JAZF1: variants seen among roughly 807,000 people sequenced by gnomAD.
The protein encoded by JAZF1 is JAZF zinc finger 1, also known as juxtaposed with another zinc finger protein 1.
Under a neutral mutation model 26.4 loss-of-function variants are expected in JAZF1, and 8 were observed. The observed-to-expected ratio is 0.30, with a 90% CI of 0.18 to 0.55. JAZF1 has a LOEUF of 0.55. Ranked by LOEUF, JAZF1 falls within the 20% of genes least tolerant of loss-of-function variation. The pLI, the probability that JAZF1 is intolerant of heterozygous loss-of-function variation, is 0.94. For missense variants in JAZF1, 199 were observed against 322.0 expected (o/e 0.62, Z 2.92); for synonymous variants, 126 against 122.3 (o/e 1.03, Z -0.20).
chr7:27,833,646 A>G (rs952800125), intron 4 of JAZF1, among the ~76,000 whole-genome samples: 1 of 152,206 alleles, frequency 6.6e-6, no homozygotes, highest in Non-Finnish European at 1.5e-5. Flanking sequence ...TTACATTCCA[A>G]ACATACAATG....
intron 1 of JAZF1, among the ~76,000 whole-genome samples, chr7:28,175,202 C>T (rs1783530761): frequency 6.6e-6 from 1 of 152,164 alleles, no homozygotes; most frequent in African/African-American, 2.4e-5. Flanking sequence ...CCTCTGGCCA[C>T]ACAAAAGAGA....
intron 2 of JAZF1, among the ~76,000 whole-genome samples, chr7:27,972,062 G>A (rs1785382800): frequency 6.6e-6 from 1 of 152,164 alleles, no homozygotes; most frequent in African/African-American, 2.4e-5. Context: ...TAGAAGCTGA[G>A]GATGTAGTAA....
At chr7:28,148,837 C>CT (rs1427305497) in intron 1 of JAZF1, among the ~76,000 whole-genome samples, 9 of 152,218 alleles carry the variant, frequency 5.9e-5, no homozygotes. Context: ...GCAGGATTCA[C>CT]TGATTCACTG....
intron 1 of JAZF1, among the ~76,000 whole-genome samples, chr7:27,996,919 C>T (rs1786029412): frequency 6.6e-6 from 1 of 152,188 alleles, no homozygotes; most frequent in South Asian, 2.1e-4. Flanking sequence ...AAGGCTTTTG[C>T]TTACAGGTAG....
intron 1 of JAZF1, 71 bp downstream of exon 1, chr7:28,180,392 A>C: frequency 6.1e-5 from 58 of 946,974 alleles, no homozygotes; most frequent in East Asian, 2.1e-4. Flanking sequence ...ACCCCTGGCC[A>C]TTCCGGGGCT....
At chr7:28,156,168 C>T (rs1783182651) in intron 1 of JAZF1, among the ~76,000 whole-genome samples, 1 of 152,200 alleles carries the variant, frequency 6.6e-6, no homozygotes, top group African/African-American at 2.4e-5. Flanking sequence ...CTTAACCAGG[C>T]TTGTGAAAGG....
intron 1 of JAZF1, among the ~76,000 whole-genome samples, chr7:28,012,108 G>A (rs893067156): frequency 2.0e-5 from 3 of 152,086 alleles, no homozygotes; most frequent in African/African-American, 7.2e-5. Context: ...GGATGCTGAA[G>A]CATTTTTCAT....
chr7:27,977,342 G>C (rs938240554), intron 2 of JAZF1, among the ~76,000 whole-genome samples: 5 of 152,144 alleles, frequency 3.3e-5, no homozygotes, highest in African/African-American at 1.2e-4. Context: ...CGTTTCCCAA[G>C]ACCCTTTAAC....
chr7:27,993,733 G>A (rs1243329099), intron 1 of JAZF1, among the ~76,000 whole-genome samples: 1 of 152,114 alleles, frequency 6.6e-6, no homozygotes, highest in Non-Finnish European at 1.5e-5. Flanking sequence ...AGAAAGAACA[G>A]GGCAATGTAG....
chr7:27,833,721 C>G (rs1782754618), intron 4 of JAZF1, among the ~76,000 whole-genome samples: 1 of 152,170 alleles, frequency 6.6e-6, no homozygotes, highest in Non-Finnish European at 1.5e-5. Context: ...CATCTGGATA[C>G]TAAAGTTATC....
intron 1 of JAZF1, among the ~76,000 whole-genome samples, chr7:28,159,711 G>A (rs1244315826): frequency 1.3e-5 from 2 of 152,076 alleles, no homozygotes; most frequent in East Asian, 1.9e-4. Context: ...GGCTTCAGTC[G>A]CAGTCTTCAG....
At chr7:28,060,834 G>C (rs1783785841) in intron 1 of JAZF1, among the ~76,000 whole-genome samples, 1 of 152,208 alleles carries the variant, frequency 6.6e-6, no homozygotes, top group African/African-American at 2.4e-5. Flanking sequence ...AGTTCAGGGT[G>C]AAAGTCCAGA....
intron 1 of JAZF1, among the ~76,000 whole-genome samples, chr7:28,029,433 C>T (rs933659502): frequency 2.0e-5 from 3 of 152,106 alleles, no homozygotes; most frequent in Non-Finnish European, 4.4e-5. Flanking sequence ...CTCTAAAAAT[C>T]CCCTCTCAAA....
At position 27,909,403 on chromosome 7, in the gene JAZF1, CAA is replaced by C. The variant is rs11323038; in HGVS notation, c.189-13989_189-13988del. Among the ~76,000 whole-genome samples, 823 of 148,742 alleles carry C rather than the reference CAA, an allele frequency of 5.5e-3. 3 individuals carry two copies. The highest frequency in any genetic ancestry group is 0.017 in the Middle Eastern group (5 of 286). ...TTAAACTTTTTATTAGGCATAATTTCAAAAAAAAAAAACCCACCACTGGCCGG... is the reference window on the plus strand; with the variant it reads ...TTAAACTTTTTATTAGGCATAATTTCAAAAAAAAAACCCACCACTGGCCGG... On this transcript the variant is annotated intron_variant, in intron 2 of 4. Transcript: ENST00000283928.
chr7:28,080,742 C>G (rs1186282943), intron 1 of JAZF1, among the ~76,000 whole-genome samples: 2 of 152,186 alleles, frequency 1.3e-5, no homozygotes, highest in East Asian at 3.9e-4. Flanking sequence ...ATTAAGTTCA[C>G]CGTCTTATAT....
intron 2 of JAZF1, among the ~76,000 whole-genome samples, chr7:27,966,767 G>C (rs1310195443): frequency 6.6e-6 from 1 of 152,140 alleles, no homozygotes; most frequent in African/African-American, 2.4e-5. Context: ...AACTCTCAAG[G>C]GGTAATTTTT....
At chr7:28,035,945 A>C (rs1306340002) in intron 1 of JAZF1, among the ~76,000 whole-genome samples, 1 of 152,234 alleles carries the variant, frequency 6.6e-6, no homozygotes, top group East Asian at 1.9e-4. Flanking sequence ...TTTAAGTGGA[A>C]GAAGATATAT....
At chr7:27,981,400 G>A (rs1785582355) in intron 2 of JAZF1, among the ~76,000 whole-genome samples, 1 of 152,184 alleles carries the variant, frequency 6.6e-6, no homozygotes, top group South Asian at 2.1e-4. Context: ...GTGATTCCCT[G>A]AATTGGGATG....
At chr7:28,123,278 A>T (rs1782634247) in intron 1 of JAZF1, among the ~76,000 whole-genome samples, 1 of 151,948 alleles carries the variant, frequency 6.6e-6, no homozygotes, top group South Asian at 2.1e-4. Context: ...TCATCGAAGT[A>T]AGTCTCATCT....
Sources: allele counts gnomAD v4.1 joint callset (sites outside exome capture counted in the v4.1 genomes callset), GRCh38; gene constraint gnomAD v4.1.1; transcripts MANE v1.5; gene names NCBI Gene and HGNC (gene_info 2026-07-23, HGNC 2026-07-21).